Variants in SMAD2 observed in about 807,000 individuals in gnomAD.
SMAD2 encodes the protein SMAD family member 2.
Under a neutral mutation model 64.4 loss-of-function variants are expected in SMAD2, and 8 were observed. That is an observed-to-expected ratio of 0.12 (90% CI 0.07 to 0.22). The LOEUF (loss-of-function observed/expected upper bound fraction) is 0.22, where lower values mean the gene tolerates loss of function less well. Among genes scored for constraint, SMAD2 ranks in the 10% least tolerant of loss-of-function variants. SMAD2 has a pLI of 1.00. For synonymous variants in SMAD2, 203 were observed against 195.8 expected, an observed-to-expected ratio of 1.04 and a Z score of -0.31; for missense variants, 289 against 561.2, an observed-to-expected ratio of 0.51 and a Z score of 4.90.
Position 47,827,231 on chromosome 18 carries a change from C to G in SMAD2, c.*14596G>C, listed in dbSNP as rs1402278397. The G allele has an allele frequency of 6.6e-6, 1 of 152,126 alleles. No individual in the cohort carries two copies. The highest frequency in any genetic ancestry group is 2.4e-5 in the African/African-American group (1 of 41,420). 9.4% of individuals were successfully genotyped at this position (152,126 alleles called of 1,614,324 possible). A position where few individuals can be genotyped will look rare whatever the true frequency, so the allele number is the denominator to read the frequency against. On this transcript the variant is annotated 3_prime_UTR_variant, in exon 11 of 11. Coordinates refer to ENST00000262160, the MANE Select transcript of SMAD2 (RefSeq NM_005901.6). ...TACAGGACTGCTTCCTTCAAGTGTT[C>G]CATCCTTAGCATTCTTGTTAAAAAT...
At chr18:47,915,107 G>C (rs1025939077) in intron 1 of SMAD2, among the ~76,000 whole-genome samples, 12 of 152,054 alleles carry the variant, frequency 7.9e-5, no homozygotes, top group Non-Finnish European at 1.6e-4. Flanking sequence ...TTTCCATCTA[G>C]CTGTCATATC....
chr18:47,884,009 T>C (rs1443213651), intron 2 of SMAD2, among the ~76,000 whole-genome samples: 3 of 152,118 alleles, frequency 2.0e-5, no homozygotes, highest in Non-Finnish European at 4.4e-5. Flanking sequence ...TCTCAGCATA[T>C]GTACAGTGTA....
intron 2 of SMAD2, among the ~76,000 whole-genome samples, chr18:47,882,805 G>A (rs1199792136): frequency 6.6e-6 from 1 of 152,066 alleles, no homozygotes; most frequent in Non-Finnish European, 1.5e-5. Flanking sequence ...ATTGTTATAG[G>A]GCTACCCAGA....
Position 47,833,071 on chromosome 18 carries a change from A to G in SMAD2, c.*8756T>C, listed in dbSNP as rs1264144222. On this transcript the variant is annotated 3_prime_UTR_variant, in exon 11 of 11. Transcript: ENST00000262160. ...AAAGATCAGTTTAAATAAAAATTAAAACAATTAAAAATTAGTCCCATAGTA... is the reference window on the plus strand; with the variant it reads ...AAAGATCAGTTTAAATAAAAATTAAGACAATTAAAAATTAGTCCCATAGTA... 5.4e-6 allele frequency: 1 copy of G among 184,194 alleles called. No homozygotes were observed. Among genetic ancestry groups the G allele is most frequent in the Admixed American group, 6.3e-5 (1 of 15,988 alleles). 11.4% of individuals were successfully genotyped at this position (184,194 alleles called of 1,614,324 possible).
intron 1 of SMAD2, chr18:47,912,114 G>C (rs1324067663): frequency 6.6e-6 from 1 of 152,196 alleles, no homozygotes; most frequent in Non-Finnish European, 1.5e-5. Context: ...AGAAAGTTCA[G>C]CATGTTTTCT....
rs143147346 is a variant in SMAD2 at position 47,818,947 on chromosome 18, T to C, written c.*22880A>G. The C allele has an allele frequency of 1.8e-4, 28 of 152,372 alleles. 1 individual carries two copies. In the East Asian group the frequency reaches 4.6e-3, roughly 25 times the overall value. The allele number at this position is 152,372 out of a possible 1,614,324, so 9.4% of individuals were successfully genotyped here. ...CTGTATTACTATCGTATGACTAAAA[T>C]TCTAAAATGAAAGCTATGTTTGTGT... On this transcript the variant is annotated 3_prime_UTR_variant, in exon 11 of 11. Coordinates refer to ENST00000262160, the MANE Select transcript of SMAD2 (RefSeq NM_005901.6).
chr18:47,916,396 A>ATATT (rs112501365), intron 1 of SMAD2, among the ~76,000 whole-genome samples: 7 of 151,342 alleles, frequency 4.6e-5, no homozygotes, highest in Admixed American at 4.6e-4. Flanking sequence ...TGGTACAGGT[A>ATATT]TATTTATTTA....
intron 5 of SMAD2, among the ~76,000 whole-genome samples, chr18:47,867,694 C>A (rs2031663467): frequency 6.7e-6 from 1 of 149,632 alleles, no homozygotes; most frequent in South Asian, 2.1e-4. Flanking sequence ...AACGAAAAGG[C>A]CAGATATCAT....
intron 2 of SMAD2, among the ~76,000 whole-genome samples, chr18:47,884,557 C>T (rs1004126945): frequency 2.6e-5 from 4 of 152,130 alleles, no homozygotes; most frequent in African/African-American, 7.2e-5. Context: ...AAAACATTTA[C>T]ACAACATGTT....
chr18:47,892,198 ATTTTTT>A (rs35136920), intron 2 of SMAD2, among the ~76,000 whole-genome samples: 1 of 142,384 alleles, frequency 7.0e-6, no homozygotes, highest in Admixed American at 6.8e-5. Flanking sequence ...TTACCTAGAC[ATTTTTT>A]TTTTTTTTTT....
chr18:47,869,167 G>T, intron 4 of SMAD2, 76 bp downstream of exon 4: 2 of 1,059,678 alleles, frequency 1.9e-6, no homozygotes, highest in Non-Finnish European at 2.9e-6. Context: ...ATTTTCCTGG[G>T]TCACAAGAGT....
chr18:47,899,627 T>C (rs569869426), intron 1 of SMAD2, among the ~76,000 whole-genome samples: 1 of 152,274 alleles, frequency 6.6e-6, no homozygotes, highest in East Asian at 1.9e-4. Context: ...CTGAAGCTAA[T>C]CTGGAGACCT....
intron 2 of SMAD2, among the ~76,000 whole-genome samples, chr18:47,885,844 C>T (rs1239104494): frequency 1.3e-5 from 2 of 152,072 alleles, no homozygotes; most frequent in East Asian, 3.9e-4. Context: ...CAATTGTAAT[C>T]CCAGGTATTC....
Position 47,820,493 on chromosome 18 carries a change from CACT to C in SMAD2, c.*21331_*21333del, listed in dbSNP as rs1912529989. 6.6e-6 allele frequency: 1 copy of C among 152,034 alleles called. No individual in the cohort carries two copies. The highest frequency in any genetic ancestry group is 6.5e-5 in the Admixed American group (1 of 15,274). The allele number at this position is 152,034 out of a possible 1,614,324, so 9.4% of individuals were successfully genotyped here. On this transcript the variant is annotated 3_prime_UTR_variant, in exon 11 of 11. Coordinates refer to ENST00000262160, the MANE Select transcript of SMAD2 (RefSeq NM_005901.6). ...ATATGGAAACAAGACAGAAAGGAAC[CACT>C]AAGTAGGAGGAGGAGAGAAATATGA...
intron 1 of SMAD2, among the ~76,000 whole-genome samples, chr18:47,913,998 C>T (rs1393104477): frequency 6.6e-6 from 1 of 152,174 alleles, no homozygotes; most frequent in Non-Finnish European, 1.5e-5. Flanking sequence ...CGATTACTCA[C>T]CGGAAAGTTT....
rs1248015683 is a variant in SMAD2, at chr18:47,833,237, TAAAAATTGACCAGA to T, written c.*8576_*8589del. ...TACAGATGATGCACACAAATATATATAAAAATTGACCAGAAATCACAGGACATGTAAGCAATGTT... is the reference window on the plus strand; with the variant it reads ...TACAGATGATGCACACAAATATATATAATCACAGGACATGTAAGCAATGTT... On this transcript the variant is annotated 3_prime_UTR_variant, in exon 11 of 11. Transcript: ENST00000262160. 4.7e-6 allele frequency: 1 copy of T among 211,284 alleles called. No individual in the cohort carries two copies. Among genetic ancestry groups the T allele is most frequent in the Non-Finnish European group, 9.6e-6 (1 of 103,942 alleles). The allele number at this position is 211,284 out of a possible 1,614,324, so 13.1% of individuals were successfully genotyped here. A position where few individuals can be genotyped will look rare whatever the true frequency, so the allele number is the denominator to read the frequency against.
intron 6 of SMAD2, among the ~76,000 whole-genome samples, chr18:47,861,256 T>A (rs2031165693): frequency 6.6e-6 from 1 of 152,020 alleles, no homozygotes; most frequent in South Asian, 2.1e-4. Flanking sequence ...CTCAGGAGGT[T>A]CAGGTTACAG....
At chr18:47,862,301 A>G (rs766306529) in intron 6 of SMAD2, among the ~76,000 whole-genome samples, 2 of 152,210 alleles carry the variant, frequency 1.3e-5, no homozygotes, top group Non-Finnish European at 2.9e-5. Context: ...TTGCTCTAAC[A>G]AAATACCACA....
At chr18:47,857,582 A>C (rs1645523577) in intron 6 of SMAD2, among the ~76,000 whole-genome samples, 1 of 152,250 alleles carries the variant, frequency 6.6e-6, no homozygotes, top group East Asian at 1.9e-4. Context: ...AAGTTATCAC[A>C]CAGATATAGA....
Sources: gnomAD v4.1 joint callset for allele counts (sites outside exome capture counted in the v4.1 genomes callset) on GRCh38, gnomAD v4.1.1 for gene constraint, MANE v1.5 for transcripts, NCBI Gene and HGNC (gene_info 2026-07-23, HGNC 2026-07-21) for gene names.